CAMK2G: variants seen among roughly 807,000 people sequenced by gnomAD.
The protein encoded by CAMK2G is calcium/calmodulin dependent protein kinase II gamma, also known as calcium/calmodulin-dependent protein kinase type II subunit gamma.
CAMK2G carries 23 observed loss-of-function variants against 88.7 expected under a neutral mutation model. That is an observed-to-expected ratio of 0.26 (90% CI 0.19 to 0.37). The LOEUF (loss-of-function observed/expected upper bound fraction) is 0.37, where lower values mean the gene tolerates loss of function less well. CAMK2G is among the 10% of genes least tolerant of loss of function. The pLI is 1.00. For missense variants in CAMK2G, 476 were observed against 780.8 expected (o/e 0.61, Z 4.65); for synonymous variants, 263 against 294.8 (o/e 0.89, Z 1.11).
Position 73,813,927 on chromosome 10 carries a change from T to C in CAMK2G, c.*591A>G, listed in dbSNP as rs57064693. Reference sequence around the variant, plus strand: ...CTTCTCAGCTGCCTCCACAGCAGGCTGGGAGCTCTGCGTTCTCTCCCAAGT... The same window carrying C: ...CTTCTCAGCTGCCTCCACAGCAGGCCGGGAGCTCTGCGTTCTCTCCCAAGT... On this transcript the variant is annotated 3_prime_UTR_variant, in exon 23 of 23. Transcript: ENST00000423381. 4.3e-4 allele frequency: 65 copies of C among 152,844 alleles called. No individual in the cohort carries two copies. Among genetic ancestry groups the C allele is most frequent in the African/African-American group, 1.5e-3 (63 of 41,596 alleles). The allele number at this position is 152,844 out of a possible 1,614,324, so 9.5% of individuals were successfully genotyped here.
chr10:73,871,886 T>A (rs2095845184), intron 2 of CAMK2G, among the ~76,000 whole-genome samples: 1 of 152,118 alleles, frequency 6.6e-6, no homozygotes, highest in Admixed American at 6.5e-5. Context: ...CCCGTGGAAT[T>A]GTAGAGCTTC....
At chr10:73,816,236 A>G in intron 21 of CAMK2G, 4 of 988,626 alleles carry the variant, frequency 4.0e-6, no homozygotes, top group Non-Finnish European at 4.8e-6. Flanking sequence ...CCCACCCCCT[A>G]TACAAGACGT....
intron 4 of CAMK2G, 26 bp downstream of exon 4, chr10:73,853,166 C>T (rs2135165065): frequency 1.2e-6 from 2 of 1,610,486 alleles, no homozygotes; most frequent in Admixed American, 1.7e-5. Context: ...GGAAAGGCCC[C>T]CACACCCTCA....
rs1209315268 is a variant in CAMK2G at position 73,873,520 on chromosome 10, TC to T, written c.66-438del. The T allele has an allele frequency of 2.5e-4, 255 of 1,003,776 alleles. 1 individual carries two copies. Among genetic ancestry groups the T allele is most frequent in the Non-Finnish European group, 2.9e-4 (241 of 841,336 alleles). The allele number at this position is 1,003,776 out of a possible 1,614,324, so 62.2% of individuals were successfully genotyped here. On this transcript the variant is annotated intron_variant, in intron 1 of 22. Transcript: ENST00000423381. ...AGGAAAGATTAAAAAGAGGGTATCA[TC>T]CCCTGAAAGAGAAATCTCCCTCAAC...
rs1441681214 is a variant in CAMK2G at position 73,813,122 on chromosome 10, A to G, written c.*1396T>C. The G allele has an allele frequency of 2.0e-5, 3 of 152,732 alleles. No homozygotes were observed. The highest frequency in any genetic ancestry group is 4.8e-5 in the African/African-American group (2 of 41,468). The allele number at this position is 152,732 out of a possible 1,614,324, so 9.5% of individuals were successfully genotyped here. On this transcript the variant is annotated 3_prime_UTR_variant, in exon 23 of 23. Coordinates refer to ENST00000423381, the MANE Select transcript of CAMK2G (RefSeq NM_001367534.1). ...TTGAGGGAAACCAAGGCCATGACCA[A>G]TTGCTCCTCCATTATCTTCTTTGCT...
At chr10:73,822,950 C>T (rs1190558840) in intron 17 of CAMK2G, among the ~76,000 whole-genome samples, 3 of 152,230 alleles carry the variant, frequency 2.0e-5, no homozygotes, top group Non-Finnish European at 2.9e-5. Flanking sequence ...CAACCTCCGC[C>T]TCCCAGGTTC....
rs2093618873 is a variant in CAMK2G, at chr10:73,839,780, G to A, written c.947-179C>T. Among the ~76,000 whole-genome samples, 1 of 152,186 alleles carries A rather than the reference G, an allele frequency of 6.6e-6. No homozygotes were observed. The highest frequency in any genetic ancestry group is 6.5e-5 in the Admixed American group (1 of 15,284). ...CGCAGCCAGCCCTGCAGCAGTCTGG[G>A]GGCCTGGGAAGACCGGGCTGGGCCA... On this transcript the variant is annotated intron_variant, in intron 12 of 22. Coordinates refer to ENST00000423381, the MANE Select transcript of CAMK2G (RefSeq NM_001367534.1). The surrounding 1 kb of genome is among the most constrained non-coding windows in gnomAD (Gnocchi z 4.2).
In CAMK2G at chr10:73,828,064, C is replaced by T. The variant is rs201221696; in HGVS notation, c.1086+25G>A. The T allele has an allele frequency of 3.7e-5, 59 of 1,606,526 alleles. 1 individual carries two copies. The African/African-American group carries it at 4.3e-4, about 12-fold the overall frequency. On this transcript the variant is annotated intron_variant, in intron 15 of 22. Coordinates refer to ENST00000423381, the MANE Select transcript of CAMK2G (RefSeq NM_001367534.1). The stretch of plus-strand genomic sequence containing the variant: ...GCGGGCACAGGCAGCATGGAGTGGG[C>T]GATGGGTGGGCAGGCAAGGCTCACC...
At chr10:73,863,189 A>T (rs1368267152) in intron 2 of CAMK2G, among the ~76,000 whole-genome samples, 1 of 152,156 alleles carries the variant, frequency 6.6e-6, no homozygotes, top group African/African-American at 2.4e-5. Flanking sequence ...CTGCCCAGCT[A>T]ATCCGTCCCA....
chr10:73,843,752 C>G (rs537127017), intron 10 of CAMK2G, among the ~76,000 whole-genome samples: 3 of 152,140 alleles, frequency 2.0e-5, no homozygotes, highest in African/African-American at 7.2e-5. Context: ...TTTCCAGGTC[C>G]GGAGGCAACT....
At chr10:73,830,540 C>T (rs2092271292) in intron 14 of CAMK2G, among the ~76,000 whole-genome samples, 1 of 152,228 alleles carries the variant, frequency 6.6e-6, no homozygotes, top group Non-Finnish European at 1.5e-5. Flanking sequence ...CTTTCTCATA[C>T]TTAATTTAAC....
intron 2 of CAMK2G, among the ~76,000 whole-genome samples, chr10:73,866,540 G>A (rs1042173615): frequency 5.3e-5 from 8 of 152,078 alleles, no homozygotes; most frequent in Admixed American, 3.3e-4. Flanking sequence ...TCCTCTGTAC[G>A]TGGGAAAGGA....
intron 2 of CAMK2G, among the ~76,000 whole-genome samples, chr10:73,864,675 C>T (rs1364064140): frequency 1.3e-5 from 2 of 152,012 alleles, no homozygotes; most frequent in African/African-American, 4.8e-5. Flanking sequence ...TGGAGTCTTA[C>T]TCTGTTGCCC....
chr10:73,858,677 CGG>C (rs1591123687), intron 3 of CAMK2G, among the ~76,000 whole-genome samples: 1 of 152,204 alleles, frequency 6.6e-6, no homozygotes, highest in Non-Finnish European at 1.5e-5. Context: ...TCTGAGCAGA[CGG>C]CCAGGATATA....
chr10:73,844,430 C>T (rs1296820932), intron 10 of CAMK2G, among the ~76,000 whole-genome samples: 3 of 151,626 alleles, frequency 2.0e-5, no homozygotes, highest in Admixed American at 1.3e-4. Flanking sequence ...TCTTTAGAGG[C>T]AGAGTCTCCC....
intron 21 of CAMK2G, chr10:73,816,548 C>T (rs1220392588): frequency 2.8e-6 from 2 of 703,888 alleles, no homozygotes; most frequent in Non-Finnish European, 4.0e-6. Context: ...GCAAGCTCTG[C>T]CTCCCAGGTT....
chr10:73,821,808 T>C, intron 17 of CAMK2G, 78 bp from the exon 18 acceptor site: 6 of 1,154,004 alleles, frequency 5.2e-6, no homozygotes, highest in South Asian at 2.6e-5. Context: ...AAAAGCAGAG[T>C]TTCTGCTCCT....
Position 73,837,486 on chromosome 10 carries a change from C to T in CAMK2G, c.1035G>A (p.Lys345=), listed in dbSNP as rs1590353199. The change falls in exon 14 of 23, where the codon AAG becomes AAA. Residue 345 remains lysine (K), a synonymous_variant. Coordinates refer to ENST00000423381, the MANE Select transcript of CAMK2G (RefSeq NM_001367534.1). ...GQAAKSLLNK[K]SDGGVKKRKS... ...CACTTACCTTGACACCGCCATCCGA[C>T]TTCTTGTTCAATAGGCTTTTGGCAG... The T allele has an allele frequency of 3.7e-6, 6 of 1,613,864 alleles. No homozygotes were observed. Among genetic ancestry groups the T allele is most frequent in the Non-Finnish European group, 5.1e-6 (6 of 1,179,744 alleles).
chr10:73,874,506 G>C lies in CAMK2G; in HGVS notation c.-45C>G, dbSNP rs907744749. Reference sequence around the variant, plus strand: ...CGGCGGTGCAGCCCGCGCCGACGTCGGTGCACAGTCACCGCCGCCCGGCCG... The same window carrying C: ...CGGCGGTGCAGCCCGCGCCGACGTCCGTGCACAGTCACCGCCGCCCGGCCG... On this transcript the variant is annotated 5_prime_UTR_variant, in exon 1 of 23. Coordinates refer to ENST00000423381, the MANE Select transcript of CAMK2G (RefSeq NM_001367534.1). 1 of 1,383,348 alleles carries C rather than the reference G, an allele frequency of 7.2e-7. No homozygotes were observed. Among genetic ancestry groups the C allele is most frequent in the Non-Finnish European group, 9.6e-7 (1 of 1,040,994 alleles). The allele number at this position is 1,383,348 out of a possible 1,614,324, so 85.7% of individuals were successfully genotyped here.
Sources: gnomAD v4.1 joint callset for allele counts (sites outside exome capture counted in the v4.1 genomes callset) on GRCh38, gnomAD v4.1.1 for gene constraint, Gnocchi (gnomAD v3.1) non-coding constraint, MANE v1.5 for transcripts, NCBI Gene and HGNC (gene_info 2026-07-23, HGNC 2026-07-21) for gene names.